RIT2: variants seen among roughly 807,000 people sequenced by gnomAD.
The protein encoded by RIT2 is GTP-binding protein Rit2.
RIT2 carries 24 observed loss-of-function variants against 23.7 expected under a neutral mutation model. That is an observed-to-expected ratio of 1.01 (90% CI 0.73 to 1.43). The LOEUF is 1.43. Ranked by LOEUF, RIT2 falls within the 40% of genes most tolerant of loss-of-function variation. The pLI is 0.00. For synonymous variants in RIT2, 107 were observed against 91.1 expected, an observed-to-expected ratio of 1.17 and a Z score of -0.99; for missense variants, 236 against 266.9, an observed-to-expected ratio of 0.88 and a Z score of 0.81.
intron 2 of RIT2, among the ~76,000 whole-genome samples, chr18:43,006,269 C>A (rs1271286067): frequency 6.6e-6 from 1 of 150,558 alleles, no homozygotes; most frequent in Non-Finnish European, 1.5e-5. Flanking sequence ...AAAGTTAAAG[C>A]CATCTTTTGT....
chr18:42,951,328 C>A (rs1030624337), intron 3 of RIT2, among the ~76,000 whole-genome samples: 1 of 151,930 alleles, frequency 6.6e-6, no homozygotes, highest in South Asian at 2.1e-4. Flanking sequence ...AACACAGGAA[C>A]AGAAAACCAA....
At chr18:42,929,370 C>A (rs532923711) in intron 3 of RIT2, among the ~76,000 whole-genome samples, 23 of 152,084 alleles carry the variant, frequency 1.5e-4, no homozygotes, top group African/African-American at 4.6e-4. Flanking sequence ...GTAAGCCTTG[C>A]CAAACATTTC....
chr18:42,981,761 T>C (rs1337394147), intron 2 of RIT2, among the ~76,000 whole-genome samples: 10 of 152,024 alleles, frequency 6.6e-5, no homozygotes, highest in African/African-American at 2.2e-4. Flanking sequence ...ATAGGCCACT[T>C]TAAACAATAA....
chr18:42,902,242 T>C (rs1399866335), intron 4 of RIT2, among the ~76,000 whole-genome samples: 2 of 151,948 alleles, frequency 1.3e-5, no homozygotes, highest in African/African-American at 2.4e-5. Context: ...TCTCCGTAAG[T>C]TTACAAATGT....
At chr18:43,105,506 G>GAGAGGA (rs1568083846) in intron 1 of RIT2, among the ~76,000 whole-genome samples, 23 of 144,920 alleles carry the variant, frequency 1.6e-4, no homozygotes, top group South Asian at 4.6e-4. Flanking sequence ...GAAAGGGAGG[G>GAGAGGA]AGGGAGGGAG....
At chr18:42,968,676 T>C (rs1231280209) in intron 3 of RIT2, among the ~76,000 whole-genome samples, 1 of 152,218 alleles carries the variant, frequency 6.6e-6, no homozygotes, top group Non-Finnish European at 1.5e-5. Flanking sequence ...TTCTTTTAAC[T>C]TTTCCTCATA....
At chr18:42,981,276 G>C (rs917573384) in intron 2 of RIT2, among the ~76,000 whole-genome samples, 1 of 152,184 alleles carries the variant, frequency 6.6e-6, no homozygotes, top group East Asian at 1.9e-4. Flanking sequence ...TGCAATACCT[G>C]TCTTCCAGAG....
At position 42,743,492 on chromosome 18, in the gene RIT2, A is replaced by G. The variant is rs1178474676; in HGVS notation, c.*1T>C. The stretch of plus-strand genomic sequence containing the variant: ...GCGTGAGGAACTCAAAAGCAAAGAT[A>G]TCATGTCATATTTTCTCTCTTCTTC... On this transcript the variant is annotated 3_prime_UTR_variant, in exon 5 of 5. Transcript: ENST00000326695. 1.2e-6 allele frequency: 2 copies of G among 1,603,560 alleles called. No individual in the cohort carries two copies. Among genetic ancestry groups the G allele is most frequent in the Admixed American group, 1.7e-5 (1 of 59,940 alleles).
At chr18:42,815,613 C>T (rs934173408) in intron 4 of RIT2, among the ~76,000 whole-genome samples, 1 of 152,104 alleles carries the variant, frequency 6.6e-6, no homozygotes, top group African/African-American at 2.4e-5. Flanking sequence ...AGACAATTGA[C>T]ATGTTCAAAG....
intron 3 of RIT2, among the ~76,000 whole-genome samples, chr18:42,948,181 G>T (rs2144168442): frequency 6.6e-6 from 1 of 152,198 alleles, no homozygotes; most frequent in East Asian, 1.9e-4. Flanking sequence ...AGACATTTGT[G>T]ACATCTTTAA....
rs144773908 is a variant in RIT2, at chr18:43,058,136, C to T, written c.104-24269G>A. Reference sequence around the variant, plus strand: ...AGTAATTTGCTGCCATGGTACATGGCTTAGAAGCACAAGCTTGGTTGTAAC... The same window carrying T: ...AGTAATTTGCTGCCATGGTACATGGTTTAGAAGCACAAGCTTGGTTGTAAC... On this transcript the variant is annotated intron_variant, in intron 1 of 4. Coordinates refer to ENST00000326695, the MANE Select transcript of RIT2 (RefSeq NM_002930.4). 1.2e-3 allele frequency among the ~76,000 whole-genome samples: 182 copies of T among 152,192 alleles called. 1 individual carries two copies. The highest frequency in any genetic ancestry group is 4.1e-3 in the African/African-American group (171 of 41,550).
At chr18:42,807,085 T>C (rs1044862550) in intron 4 of RIT2, among the ~76,000 whole-genome samples, 3 of 152,234 alleles carry the variant, frequency 2.0e-5, no homozygotes, top group Non-Finnish European at 4.4e-5. Flanking sequence ...TGGACTTCAT[T>C]ATCCCTGTGG....
At chr18:43,023,156 T>A (rs1911635609) in intron 2 of RIT2, among the ~76,000 whole-genome samples, 1 of 152,056 alleles carries the variant, frequency 6.6e-6, no homozygotes, top group South Asian at 2.1e-4. Flanking sequence ...GTCATGGAGA[T>A]CATATGCTAC....
At chr18:42,841,853 T>A (rs1039071002) in intron 4 of RIT2, among the ~76,000 whole-genome samples, 2 of 152,200 alleles carry the variant, frequency 1.3e-5, no homozygotes, top group Non-Finnish European at 2.9e-5. Flanking sequence ...TGACTTATAC[T>A]ATAGTTTATA....
intron 3 of RIT2, among the ~76,000 whole-genome samples, chr18:42,953,806 A>T (rs1189448439): frequency 6.6e-6 from 1 of 152,148 alleles, no homozygotes; most frequent in Admixed American, 6.6e-5. Flanking sequence ...GAAGTGTGGG[A>T]TTTTAAAATA....
At chr18:42,783,821 A>G (rs936899742) in intron 4 of RIT2, among the ~76,000 whole-genome samples, 2 of 152,096 alleles carry the variant, frequency 1.3e-5, no homozygotes, top group Non-Finnish European at 2.9e-5. Context: ...TTTGGTGGAC[A>G]TGAGAGCTGG....
chr18:42,893,909 T>C (rs559345406), intron 4 of RIT2, among the ~76,000 whole-genome samples: 1 of 152,300 alleles, frequency 6.6e-6, no homozygotes, highest in Admixed American at 6.5e-5. Context: ...ATTAAAACAA[T>C]TGACACTGAA....
intron 2 of RIT2, among the ~76,000 whole-genome samples, chr18:43,008,834 T>G (rs1398380426): frequency 2.6e-5 from 4 of 151,698 alleles, no homozygotes; most frequent in African/African-American, 9.7e-5. Flanking sequence ...GTAGTATCAA[T>G]GTAATGTTTA....
intron 4 of RIT2, among the ~76,000 whole-genome samples, chr18:42,916,609 T>C (rs1748060405): frequency 6.6e-6 from 1 of 152,226 alleles, no homozygotes; most frequent in South Asian, 2.1e-4. Context: ...ACTTTTTAAT[T>C]TGTAAGAGAG....
Sources: gnomAD v4.1 joint callset for allele counts (sites outside exome capture counted in the v4.1 genomes callset) on GRCh38, gnomAD v4.1.1 for gene constraint, MANE v1.5 for transcripts, NCBI Gene and HGNC (gene_info 2026-07-23, HGNC 2026-07-21) for gene names.